Variants in PLCE1 observed in about 807,000 individuals in gnomAD.
PLCE1 encodes 1-phosphatidylinositol 4,5-bisphosphate phosphodiesterase epsilon-1.
In PLCE1, 119 loss-of-function variants were observed where a neutral mutation model predicts 242.8. That is an observed-to-expected ratio of 0.49 (90% CI 0.42 to 0.57). The LOEUF is 0.57. Ranked by LOEUF, PLCE1 falls within the 20% of genes least tolerant of loss-of-function variation. PLCE1 has a pLI of 0.00. For missense variants in PLCE1, 2,441 were observed against 2,788.8 expected, an observed-to-expected ratio of 0.88 and a Z score of 2.81; for synonymous variants, 945 against 1,017.4, an observed-to-expected ratio of 0.93 and a Z score of 1.35.
intron 1 of PLCE1, among the ~76,000 whole-genome samples, chr10:93,998,228 A>G (rs1021621003): frequency 1.2e-4 from 18 of 152,170 alleles, no homozygotes; most frequent in African/African-American, 4.1e-4. Flanking sequence ...TTTTGGTCCA[A>G]ACCTGCCTTT....
chr10:94,118,420 G>A (rs2046200218), intron 2 of PLCE1, among the ~76,000 whole-genome samples: 1 of 138,752 alleles, frequency 7.2e-6, no homozygotes, highest in South Asian at 2.8e-4. Flanking sequence ...GATACAGTTT[G>A]GCTCTGTGTC....
rs3222767 is a variant in PLCE1, at chr10:94,235,062, T to TCACACACACACACACACA, written c.2214+771_2214+788dup. ...GATGACAGAACCTACTACTGACCTT[T>TCACACACACACACACACA]CACACACACACACACACACACACAC... On this transcript the variant is annotated intron_variant, in intron 6 of 32. Transcript: ENST00000371380. Among the ~76,000 whole-genome samples the TCACACACACACACACACA allele has an allele frequency of 1.2e-3, 156 of 135,536 alleles. 2 individuals are homozygous for TCACACACACACACACACA. The highest frequency in any genetic ancestry group is 3.9e-3 in the African/African-American group (136 of 35,016). The allele number at this position is 135,536 out of a possible 152,430, so 88.9% of individuals were successfully genotyped here.
chr10:94,212,460 G>T (rs2049372380), intron 4 of PLCE1, among the ~76,000 whole-genome samples: 1 of 152,190 alleles, frequency 6.6e-6, no homozygotes, highest in Non-Finnish European at 1.5e-5. Flanking sequence ...GTTTCACCGT[G>T]TTAGCCAGGA....
intron 4 of PLCE1, among the ~76,000 whole-genome samples, chr10:94,175,372 CTCATTCATTCAT>C (rs3053179): frequency 2.6e-5 from 4 of 151,004 alleles, no homozygotes; most frequent in Non-Finnish European, 5.9e-5. Flanking sequence ...CCATTACTCC[CTCATTCATTCAT>C]TCATTCATTC....
chr10:94,123,633 G>A (rs1325545208), intron 2 of PLCE1, among the ~76,000 whole-genome samples: 4 of 152,156 alleles, frequency 2.6e-5, no homozygotes, highest in Non-Finnish European at 5.9e-5. Flanking sequence ...GACTCTTCAG[G>A]AAATTCGACA....
chr10:94,265,652 C>G lies in PLCE1; in HGVS notation c.4059C>G (p.Phe1353Leu), dbSNP rs61751499. 3.7e-6 allele frequency: 6 copies of G among 1,613,164 alleles called. No individual in the cohort carries two copies. The highest frequency in any genetic ancestry group is 4.2e-6 in the Non-Finnish European group (5 of 1,179,484). Residue 1353 changes from phenylalanine to leucine, a missense_variant, in exon 15 of 33, where the codon TTC becomes TTG. Physicochemically the swap from Phe to Leu is conservative, Grantham distance 22. This residue lies in a region of PLCE1 where 1,004 missense variants were observed against 1,322.7 expected (regional missense o/e 0.76). Coordinates refer to ENST00000371380, the MANE Select transcript of PLCE1 (RefSeq NM_016341.4). ...TTTTTTTTAATCCCTTGCAGAAGTT[C>G]GAGCCTAGCATCAGTATGTGTCATC... is the stretch of plus-strand genomic sequence containing the variant. ...YDEILSIIQK[F>L]EPSISMCHQG... is the part of the protein sequence containing the mutation.
At chr10:94,139,372 C>T in intron 3 of PLCE1, 1 of 163,964 alleles carries the variant, frequency 6.1e-6, no homozygotes, top group South Asian at 2.0e-4. Flanking sequence ...AAGAATTCTT[C>T]CAACTTCAAA....
chr10:94,201,664 A>G (rs1191669209), intron 4 of PLCE1, among the ~76,000 whole-genome samples: 1 of 152,160 alleles, frequency 6.6e-6, no homozygotes, highest in Non-Finnish European at 1.5e-5. Flanking sequence ...ATTTTTTAGT[A>G]GAGACGGGGT....
chr10:94,147,289 G>C (rs2047143298), intron 3 of PLCE1, among the ~76,000 whole-genome samples: 1 of 152,116 alleles, frequency 6.6e-6, no homozygotes, highest in African/African-American at 2.4e-5. Flanking sequence ...AGGTATGGTG[G>C]TAGGCACCTG....
At chr10:94,086,357 T>C (rs1415182853) in intron 2 of PLCE1, among the ~76,000 whole-genome samples, 2 of 152,194 alleles carry the variant, frequency 1.3e-5, no homozygotes, top group Non-Finnish European at 2.9e-5. Flanking sequence ...CCCATTTTAT[T>C]TTCTAGTCTT....
chr10:93,995,794 A>G (rs2060808162), intron 1 of PLCE1, among the ~76,000 whole-genome samples: 1 of 152,234 alleles, frequency 6.6e-6, no homozygotes, highest in Admixed American at 6.5e-5. Context: ...TTAGTAACAT[A>G]AACTCCTGGG....
At chr10:94,001,858 A>G (rs556154035) in intron 1 of PLCE1, among the ~76,000 whole-genome samples, 1 of 152,368 alleles carries the variant, frequency 6.6e-6, no homozygotes, top group Admixed American at 6.5e-5. Context: ...AAGGTGGATA[A>G]AATTCACAAA....
intron 2 of PLCE1, chr10:94,088,285 A>G (rs1264510309): frequency 1.3e-5 from 2 of 152,228 alleles, no homozygotes; most frequent in East Asian, 3.8e-4. Flanking sequence ...ACTTCTTAAA[A>G]TTTACTATTA....
At chr10:94,147,882 A>G (rs1272087207) in intron 3 of PLCE1, among the ~76,000 whole-genome samples, 1 of 152,236 alleles carries the variant, frequency 6.6e-6, no homozygotes, top group Non-Finnish European at 1.5e-5. Context: ...GCTAGGGATG[A>G]AAACAATGAA....
chr10:94,134,097 C>CT (rs1382451027), intron 3 of PLCE1, among the ~76,000 whole-genome samples: 1,689 of 140,004 alleles, frequency 0.012, 20 homozygotes, highest in East Asian at 0.031. Flanking sequence ...TTTTCAAAGT[C>CT]TTTTTTTTTT....
At chr10:94,013,069 A>G (rs2061201970) in intron 1 of PLCE1, among the ~76,000 whole-genome samples, 1 of 152,192 alleles carries the variant, frequency 6.6e-6, no homozygotes, top group Non-Finnish European at 1.5e-5. Context: ...CTCAATTCAT[A>G]CTTGTTTAGC....
chr10:94,219,227 ATATTTGTCAAGGTTCTTTTTTCAGT>A (rs1393610647), intron 4 of PLCE1, among the ~76,000 whole-genome samples: 1 of 152,122 alleles, frequency 6.6e-6, no homozygotes, highest in Non-Finnish European at 1.5e-5. Context: ...AAGTCAAGAT[ATATTTGTCAAGGTTCTTTTTTCAGT>A]TATGAGTTAA....
intron 4 of PLCE1, among the ~76,000 whole-genome samples, chr10:94,194,050 A>G (rs1280709814): frequency 6.6e-6 from 1 of 152,254 alleles, no homozygotes; most frequent in Non-Finnish European, 1.5e-5. Flanking sequence ...GTTTTAAAGT[A>G]TAATGATATT....
In PLCE1 at chr10:94,246,535, G is replaced by A. The variant is rs1816047274; in HGVS notation, c.3010G>A (p.Glu1004Lys). The change falls in exon 8 of 33, where the codon GAA becomes AAA. Residue 1004 changes from glutamate (E) to lysine (K), a missense_variant. Glu to Lys is a moderately conservative substitution (Grantham distance 56). This residue lies in a region of PLCE1 where 1,004 missense variants were observed against 1,322.7 expected (regional missense o/e 0.76). Coordinates refer to ENST00000371380, the MANE Select transcript of PLCE1 (RefSeq NM_016341.4). Reference sequence around the variant, plus strand: ...TAAAATGCTCTTCAGCGGATTATTGGAACTCACTAGAGCTGTGAGAAAGAT... The same window carrying A: ...TAAAATGCTCTTCAGCGGATTATTGAAACTCACTAGAGCTGTGAGAAAGAT... The part of the protein sequence containing the change: ...TAKMLFSGLL[E>K]LTRAVRKMRK... The A allele has an allele frequency of 6.2e-7, 1 of 1,613,956 alleles. No individual in the cohort carries two copies. Among genetic ancestry groups the A allele is most frequent in the Admixed American group, 1.7e-5 (1 of 60,002 alleles).
Sources: gnomAD v4.1 joint callset for allele counts (sites outside exome capture counted in the v4.1 genomes callset) on GRCh38, gnomAD v4.1.1 for gene constraint, gnomAD v4.1.1 regional missense constraint, MANE v1.5 for transcripts, NCBI Gene and HGNC (gene_info 2026-07-23, HGNC 2026-07-21) for gene names.